The following RASGEF1C variants were observed in gnomAD, a reference collection of about 807,000 sequenced individuals.
RASGEF1C encodes ras-GEF domain-containing family member 1C.
Under a neutral mutation model 58.1 loss-of-function variants are expected in RASGEF1C, and 27 were observed. That is an observed-to-expected ratio of 0.46 (90% CI 0.34 to 0.64). The LOEUF is 0.64. RASGEF1C is among the 30% of genes least tolerant of loss of function. The probability of loss-of-function intolerance (pLI) is 0.01; values close to 1 mark genes in which losing one functional copy is unlikely to be tolerated. For missense variants in RASGEF1C, 502 were observed against 605.1 expected (o/e 0.83, Z 1.79); for synonymous variants, 243 against 246.3 (o/e 0.99, Z 0.13).
chr5:180,120,385 A>G (rs1353090206), intron 7 of RASGEF1C, among the ~76,000 whole-genome samples: 1 of 151,942 alleles, frequency 6.6e-6, no homozygotes, highest in Non-Finnish European at 1.5e-5. Context: ...GCAGGTGTGG[A>G]CCCCTCATGA....
chr5:180,173,937 A>AAC lies in RASGEF1C; in HGVS notation c.-7+35090_-7+35091insGT, dbSNP rs1318447708. ...AAACAACCACCAAAAAAAAAAAAAA[A>AAC]CCTGCGCAATTTTTCATTCATTGTG... On this transcript the variant is annotated intron_variant, in intron 1 of 13. Transcript: ENST00000361132. Among the ~76,000 whole-genome samples, 608 of 151,146 alleles carry AAC rather than the reference A, an allele frequency of 4.0e-3. 1 individual carries two copies. Among genetic ancestry groups the AAC allele is most frequent in the African/African-American group, 0.014 (589 of 41,106 alleles).
intron 1 of RASGEF1C, among the ~76,000 whole-genome samples, chr5:180,169,249 G>A (rs962270542): frequency 6.6e-6 from 1 of 152,182 alleles, no homozygotes; most frequent in Non-Finnish European, 1.5e-5. Flanking sequence ...TAACAAACGA[G>A]CTGATTTTAT....
chr5:180,164,047 C>G (rs750624018), intron 1 of RASGEF1C, among the ~76,000 whole-genome samples: 1 of 152,110 alleles, frequency 6.6e-6, no homozygotes, highest in African/African-American at 2.4e-5. Flanking sequence ...GCCTTATCAC[C>G]CTTTTAATGT....
intron 1 of RASGEF1C, among the ~76,000 whole-genome samples, chr5:180,175,937 G>A (rs1308157179): frequency 6.6e-6 from 1 of 152,226 alleles, no homozygotes; most frequent in Non-Finnish European, 1.5e-5. Flanking sequence ...GAAGTGAGCG[G>A]AGATCACGCC....
intron 1 of RASGEF1C, among the ~76,000 whole-genome samples, chr5:180,174,597 T>C (rs1417882471): frequency 7.0e-6 from 1 of 143,324 alleles, no homozygotes; most frequent in Non-Finnish European, 1.5e-5. Flanking sequence ...CGTGTGTGTG[T>C]GTGTGCACGC....
chr5:180,189,738 A>G (rs1396595383), intron 1 of RASGEF1C, among the ~76,000 whole-genome samples: 1 of 151,810 alleles, frequency 6.6e-6, no homozygotes, highest in Non-Finnish European at 1.5e-5. Context: ...CCTGGCCAAC[A>G]TGGTGAAACC....
In RASGEF1C at chr5:180,127,925, C is replaced by A. The variant is rs546261942; in HGVS notation, c.640-242G>T. On this transcript the variant is annotated intron_variant, in intron 5 of 13. Coordinates refer to ENST00000361132, the MANE Select transcript of RASGEF1C (RefSeq NM_175062.4). ...CAGGGAGCAATGCTATGAGGCGTGA[C>A]GCCCAGGGAAGCCAGGCTCCACGCT... 1.2e-4 allele frequency among the ~76,000 whole-genome samples: 19 copies of A among 152,360 alleles called. No individual in the cohort carries two copies. The East Asian group carries it at 3.7e-3, about 29-fold the overall frequency.
At chr5:180,124,231 C>CA (rs11292353) in intron 6 of RASGEF1C, among the ~76,000 whole-genome samples, 3,874 of 134,904 alleles carry the variant, frequency 0.029, 200 homozygotes, top group African/African-American at 0.1. Flanking sequence ...GACTCTGTCT[C>CA]AAAAAAAAAA....
At position 180,118,953 on chromosome 5, in the gene RASGEF1C, C is replaced by A. The variant is rs1417979361; in HGVS notation, c.908-87G>T. 20 of 1,270,008 alleles carry A rather than the reference C, an allele frequency of 1.6e-5. No individual in the cohort carries two copies. The South Asian group carries it at 2.4e-4, about 15-fold the overall frequency. 78.7% of individuals were successfully genotyped at this position (1,270,008 alleles called of 1,614,324 possible). ...GCACCCCCTTGGACTGCACCCTGAC[C>A]AGGGCTGAGGTCTGCAGGGCTCAGC... On this transcript the variant is annotated intron_variant, in intron 8 of 13. Coordinates refer to ENST00000361132, the MANE Select transcript of RASGEF1C (RefSeq NM_175062.4).
intron 4 of RASGEF1C, among the ~76,000 whole-genome samples, chr5:180,129,972 T>C (rs989233792): frequency 6.6e-6 from 1 of 152,238 alleles, no homozygotes; most frequent in Non-Finnish European, 1.5e-5. Flanking sequence ...CTTTCATCCC[T>C]GTACCCAGCC....
rs1352311099 is a variant in RASGEF1C, at chr5:180,121,654, CACACACACACACACACACACACACACA to C, written c.715-532_715-506del. ...ATGTAACTTCACACACACACACACA[CACACACACACACACACACACACACACA>C]CCCTCATTATTCCTGGATCCTGTAT... is the stretch of plus-strand genomic sequence containing the variant. On this transcript the variant is annotated intron_variant, in intron 6 of 13. Transcript: ENST00000361132. Among the ~76,000 whole-genome samples, 3 of 85,498 alleles carry C rather than the reference CACACACACACACACACACACACACACA, an allele frequency of 3.5e-5. No individual in the cohort carries two copies. The Admixed American group carries it at 3.8e-4, about 11-fold the overall frequency. 56.1% of individuals were successfully genotyped at this position (85,498 alleles called of 152,430 possible). A position where few individuals can be genotyped will look rare whatever the true frequency, so the allele number is the denominator to read the frequency against.
intron 1 of RASGEF1C, among the ~76,000 whole-genome samples, chr5:180,157,671 G>A (rs933967177): frequency 6.6e-6 from 1 of 150,646 alleles, no homozygotes; most frequent in Non-Finnish European, 1.5e-5. Flanking sequence ...GCCATGAAAA[G>A]ACGTGGAGAA....
intron 1 of RASGEF1C, among the ~76,000 whole-genome samples, chr5:180,141,702 A>G (rs1766582498): frequency 6.8e-6 from 1 of 146,234 alleles, no homozygotes; most frequent in Admixed American, 7.1e-5. Flanking sequence ...ATTTTATGTT[A>G]TGTGTATTTT....
At chr5:180,117,366 C>T (rs142435075) in intron 10 of RASGEF1C, among the ~76,000 whole-genome samples, 2,155 of 152,332 alleles carry the variant, frequency 0.014, 21 homozygotes, top group Non-Finnish European at 0.023. Context: ...TGGCTTCCCT[C>T]CAGTGCAATT....
chr5:180,152,561 T>C (rs1349049291), intron 1 of RASGEF1C, among the ~76,000 whole-genome samples: 3 of 76,660 alleles, frequency 3.9e-5, no homozygotes, highest in South Asian at 5.4e-4. Flanking sequence ...CGGGGCCTGT[T>C]GTGGGGTGGG....
chr5:180,123,642 A>G (rs775452003), intron 6 of RASGEF1C, among the ~76,000 whole-genome samples: 7 of 152,152 alleles, frequency 4.6e-5, no homozygotes, highest in East Asian at 3.8e-4. Flanking sequence ...AACATCCAAC[A>G]TAAGAAACTA....
chr5:180,149,926 T>A (rs1766721092), intron 1 of RASGEF1C, among the ~76,000 whole-genome samples: 1 of 152,234 alleles, frequency 6.6e-6, no homozygotes, highest in Admixed American at 6.5e-5. Context: ...TTCATCAAAT[T>A]TGGGAAGTTT....
At chr5:180,113,554 G>GA (rs1766007768) in intron 11 of RASGEF1C, among the ~76,000 whole-genome samples, 1 of 64,610 alleles carries the variant, frequency 1.5e-5, no homozygotes, top group Non-Finnish European at 3.1e-5. Flanking sequence ...GGAGGGATCC[G>GA]GGATGGACGG....
At chr5:180,179,437 G>T (rs1188731940) in intron 1 of RASGEF1C, among the ~76,000 whole-genome samples, 1 of 152,102 alleles carries the variant, frequency 6.6e-6, no homozygotes, top group East Asian at 1.9e-4. Context: ...GAGTGGAGCA[G>T]CCCAGGGAAC....
Sources: gnomAD v4.1 joint callset for allele counts (sites outside exome capture counted in the v4.1 genomes callset) on GRCh38, gnomAD v4.1.1 for gene constraint, MANE v1.5 for transcripts, NCBI Gene and HGNC (gene_info 2026-07-23, HGNC 2026-07-21) for gene names.